The following SFTPD variants were observed in gnomAD, a reference collection of about 807,000 sequenced individuals.
The protein encoded by SFTPD is surfactant protein D, also known as pulmonary surfactant-associated protein D.
SFTPD carries 18 observed loss-of-function variants against 34.6 expected under a neutral mutation model. That is an observed-to-expected ratio of 0.52 (90% CI 0.36 to 0.77). SFTPD has a LOEUF of 0.77. SFTPD is among the 30% of genes least tolerant of loss of function. The pLI, the probability that SFTPD is intolerant of heterozygous loss-of-function variation, is 0.00. For missense variants in SFTPD, 433 were observed against 468.9 expected (o/e 0.92, Z 0.71); for synonymous variants, 155 against 180.9 (o/e 0.86, Z 1.15).
At chr10:79,955,997 C>T (rs996072220) in intron 1 of SFTPD, among the ~76,000 whole-genome samples, 14 of 151,928 alleles carry the variant, frequency 9.2e-5, no homozygotes, top group Admixed American at 6.6e-4. Context: ...CAAATGTTGG[C>T]GGGAAGTAAA....
intron 1 of SFTPD, among the ~76,000 whole-genome samples, chr10:79,978,540 T>C (rs1842874305): frequency 6.6e-6 from 1 of 150,392 alleles, no homozygotes; most frequent in African/African-American, 2.4e-5. Flanking sequence ...TAGTCTCAGC[T>C]ACTTGGGAGG....
At chr10:79,964,347 C>G (rs1264811775) in intron 1 of SFTPD, among the ~76,000 whole-genome samples, 1 of 152,160 alleles carries the variant, frequency 6.6e-6, no homozygotes, top group Non-Finnish European at 1.5e-5. Context: ...CAAGGGCCAT[C>G]AAAAGGCATC....
intron 1 of SFTPD, among the ~76,000 whole-genome samples, chr10:79,958,440 T>A (rs1424277389): frequency 6.6e-6 from 1 of 151,100 alleles, no homozygotes; most frequent in Non-Finnish European, 1.5e-5. Flanking sequence ...GGCTCCTTCG[T>A]AGAGGAAGAT....
chr10:79,959,534 A>G (rs928602680), intron 1 of SFTPD, among the ~76,000 whole-genome samples: 1 of 152,222 alleles, frequency 6.6e-6, no homozygotes. Context: ...CAAATAAGCT[A>G]GAAAATCTGG....
chr10:79,941,367 GGCTTCCC>G, intron 6 of SFTPD, 24 bp downstream of exon 6: 1 of 1,590,428 alleles, frequency 6.3e-7, no homozygotes, highest in Non-Finnish European at 8.6e-7. Flanking sequence ...GCCCCAGCGG[GGCTTCCC>G]TGGGCCAGGA....
At chr10:79,948,143 C>T (rs1842684673) in intron 1 of SFTPD, among the ~76,000 whole-genome samples, 1 of 152,202 alleles carries the variant, frequency 6.6e-6, no homozygotes, top group Non-Finnish European at 1.5e-5. Flanking sequence ...CTAGAAACAC[C>T]TGGGTGAGCT....
chr10:79,955,547 C>T (rs1002268706), intron 1 of SFTPD, among the ~76,000 whole-genome samples: 1 of 152,200 alleles, frequency 6.6e-6, no homozygotes, highest in Non-Finnish European at 1.5e-5. Flanking sequence ...TCCACCCCCT[C>T]TCTCCACCAC....
chr10:79,941,928 C>T, intron 5 of SFTPD, 26 bp downstream of exon 5: 1 of 1,488,712 alleles, frequency 6.7e-7, no homozygotes, highest in Non-Finnish European at 9.4e-7. Flanking sequence ...TGGACCCAGC[C>T]CAGCCCAGCT....
At chr10:79,959,608 C>A (rs1037859150) in intron 1 of SFTPD, among the ~76,000 whole-genome samples, 9 of 152,320 alleles carry the variant, frequency 5.9e-5, no homozygotes, top group African/African-American at 2.2e-4. Context: ...GAAGTTGAAT[C>A]TCTGAATAGA....
At chr10:79,969,023 G>A (rs1474594051) in intron 1 of SFTPD, 1 of 152,014 alleles carries the variant, frequency 6.6e-6, no homozygotes, top group Non-Finnish European at 1.5e-5. Flanking sequence ...TTTTTTGCCT[G>A]TTAATTTAAG....
At position 79,941,287 on chromosome 10, in the gene SFTPD, G is replaced by A. The variant is rs1355748215; in HGVS notation, c.667+111C>T. 4 of 903,510 alleles carry A rather than the reference G, an allele frequency of 4.4e-6. No homozygotes were observed. The African/African-American group carries it at 6.7e-5, about 15-fold the overall frequency. 56.0% of individuals were successfully genotyped at this position (903,510 alleles called of 1,614,324 possible). ...CTTTCCTGAGTTCCACCCACCAGCT[G>A]CCATTAATGGGGCACACATCCCAGA... On this transcript the variant is annotated intron_variant, in intron 6 of 7. Transcript: ENST00000372292.
At chr10:79,980,607 C>T (rs1441068871) in intron 1 of SFTPD, among the ~76,000 whole-genome samples, 2 of 152,196 alleles carry the variant, frequency 1.3e-5, no homozygotes, top group South Asian at 4.1e-4. Context: ...CAACTCCAGG[C>T]ACCTCAGCAT....
chr10:79,981,844 G>A, intron 1 of SFTPD: 1 of 221,200 alleles, frequency 4.5e-6, no homozygotes, highest in Non-Finnish European at 8.9e-6. Flanking sequence ...CCTTCATGGC[G>A]CACCAGAACC....
intron 1 of SFTPD, among the ~76,000 whole-genome samples, chr10:79,958,771 A>T (rs1327091305): frequency 6.6e-6 from 1 of 152,210 alleles, no homozygotes; most frequent in Admixed American, 6.5e-5. Flanking sequence ...CAGGAATTGA[A>T]CTCAGCTCTG....
chr10:79,946,337 C>G, intron 2 of SFTPD, 124 bp downstream of exon 2: 1 of 748,168 alleles, frequency 1.3e-6, no homozygotes. Flanking sequence ...GTGTGGAACT[C>G]GCCTTCTTGG....
upstream of SFTPD, among the ~76,000 whole-genome samples, chr10:79,953,789 C>G (rs1030896108): frequency 1.3e-5 from 2 of 152,116 alleles, no homozygotes; most frequent in Admixed American, 1.3e-4. Context: ...CCATAATACA[C>G]AGAAAGGTTT....
chr10:79,958,008 A>G (rs1199082294), intron 1 of SFTPD, among the ~76,000 whole-genome samples: 3 of 152,220 alleles, frequency 2.0e-5, no homozygotes, highest in Non-Finnish European at 4.4e-5. Flanking sequence ...GCATTCTTAA[A>G]GAAAAGAATT....
chr10:79,949,772 G>A (rs1031963192), upstream of SFTPD, among the ~76,000 whole-genome samples: 3 of 152,110 alleles, frequency 2.0e-5, no homozygotes, highest in African/African-American at 7.2e-5. Context: ...CATCTTAGCT[G>A]GTGTTTGTCT....
intron 1 of SFTPD, among the ~76,000 whole-genome samples, chr10:79,947,541 A>G (rs1842677599): frequency 6.6e-6 from 1 of 152,164 alleles, no homozygotes; most frequent in Non-Finnish European, 1.5e-5. Context: ...AGTATAAAAA[A>G]TTAGCCAGAT....
Sources: gnomAD v4.1 joint callset for allele counts (sites outside exome capture counted in the v4.1 genomes callset) on GRCh38, gnomAD v4.1.1 for gene constraint, MANE v1.5 for transcripts, NCBI Gene and HGNC (gene_info 2026-07-23, HGNC 2026-07-21) for gene names.